Variants in TMEM214 observed in about 807,000 individuals in gnomAD.
The protein encoded by TMEM214 is transmembrane protein 214.
A neutral mutation model predicts 89.8 loss-of-function variants in TMEM214; 71 were observed. That is an observed-to-expected ratio of 0.79 (90% CI 0.65 to 0.96). The LOEUF is 0.96. TMEM214 is among the 40% of genes least tolerant of loss of function. The probability of loss-of-function intolerance (pLI) is 0.00; values close to 1 mark genes in which losing one functional copy is unlikely to be tolerated. For missense variants in TMEM214, 754 were observed against 843.4 expected (o/e 0.89, Z 1.31); for synonymous variants, 332 against 349.5 (o/e 0.95, Z 0.56).
rs781068534 is a variant in TMEM214, at chr2:27,038,024, C to T, written c.1153-122C>T. 18 of 1,604,974 alleles carry T rather than the reference C, an allele frequency of 1.1e-5. No individual in the cohort carries two copies. In the Admixed American group the frequency reaches 2.0e-4, roughly 18 times the overall value. ...CTGGAGTCTTGACACTGTTTCTCCA[C>T]CCCTTAGGGTGGATGTGCGGCCTGG... is the stretch of plus-strand genomic sequence containing the variant. On this transcript the variant is annotated intron_variant, in intron 9 of 16. Transcript: ENST00000238788. The surrounding 1 kb of genome is among the most constrained non-coding windows in gnomAD (Gnocchi z 4.4).
At position 27,035,587 on chromosome 2, in the gene TMEM214, G is replaced by A. The variant is rs773958210; in HGVS notation, c.503-7G>A. On this transcript the variant is annotated splice_polypyrimidine_tract_variant and splice_region_variant and intron_variant, in intron 3 of 16. Transcript: ENST00000238788. The stretch of plus-strand genomic sequence containing the variant: ...CTAGCACTCACATTGAGGCCTATGG[G>A]CCTTAGATTATCCCTACAGCCTGGT... The A allele has an allele frequency of 1.9e-6, 3 of 1,614,004 alleles. No homozygotes were observed. Among genetic ancestry groups the A allele is most frequent in the African/African-American group, 1.3e-5 (1 of 74,910 alleles).
chr2:27,035,937 T>C (rs1667541469), intron 4 of TMEM214, 33 bp from the exon 5 acceptor site: 3 of 1,609,770 alleles, frequency 1.9e-6, no homozygotes, highest in African/African-American at 1.3e-5. Context: ...TGCCAAATAA[T>C]GTGAGTAGGT....
chr2:27,040,111 C>T lies in TMEM214; in HGVS notation c.1704C>T (p.His568=). ...CCAGCTTGCAGCTGGCCTGGGCTCA[C>T]ACCAATGCCACAGTCAGCTTCCTTT... ...VRPSLQLAWA[H]TNATVSFLSA... Residue 568 remains histidine, a synonymous_variant, in exon 15 of 17, where the codon CAC becomes CAT. Transcript: ENST00000238788. 2 of 1,609,366 alleles carry T rather than the reference C, an allele frequency of 1.2e-6. No individual in the cohort carries two copies. The highest frequency in any genetic ancestry group is 1.7e-6 in the Non-Finnish European group (2 of 1,180,004).
chr2:27,038,038 T>C lies in TMEM214; in HGVS notation c.1153-108T>C, dbSNP rs1667645985. ...CTGTTTCTCCACCCCTTAGGGTGGATGTGCGGCCTGGATGGCCTTGCTTAC... is the reference window on the plus strand; with the variant it reads ...CTGTTTCTCCACCCCTTAGGGTGGACGTGCGGCCTGGATGGCCTTGCTTAC... On this transcript the variant is annotated intron_variant, in intron 9 of 16. Coordinates refer to ENST00000238788, the MANE Select transcript of TMEM214 (RefSeq NM_017727.5). The surrounding 1 kb of genome is among the most constrained non-coding windows in gnomAD (Gnocchi z 4.4). The C allele has an allele frequency of 3.7e-6, 6 of 1,610,310 alleles. No individual in the cohort carries two copies. The East Asian group carries it at 1.3e-4, about 36-fold the overall frequency.
At chr2:27,040,312 A>T (rs201851151) in intron 15 of TMEM214, 33 bp from the exon 16 acceptor site, 1 of 1,613,228 alleles carries the variant, frequency 6.2e-7, no homozygotes, top group African/African-American at 1.3e-5. Context: ...AGTTCCCTGG[A>T]TACTCTGACC....
At position 27,034,999 on chromosome 2, in the gene TMEM214, A is replaced by G. The variant is rs1667486574; in HGVS notation, c.352-136A>G. On this transcript the variant is annotated intron_variant, in intron 2 of 16. Coordinates refer to ENST00000238788, the MANE Select transcript of TMEM214 (RefSeq NM_017727.5). ...AGGTACAGCAGAATTGCAGCATTCCATGTTCTTATGCTTAAAAATGGAATC... is the reference window on the plus strand; with the variant it reads ...AGGTACAGCAGAATTGCAGCATTCCGTGTTCTTATGCTTAAAAATGGAATC... The G allele has an allele frequency of 3.2e-6, 3 of 944,508 alleles. No homozygotes were observed. In the South Asian group the frequency reaches 4.9e-5, roughly 15 times the overall value. 58.5% of individuals were successfully genotyped at this position (944,508 alleles called of 1,614,324 possible). A position where few individuals can be genotyped will look rare whatever the true frequency, so the allele number is the denominator to read the frequency against.
Position 27,035,618 on chromosome 2 carries a change from G to A in TMEM214, c.527G>A (p.Arg176Gln), listed in dbSNP as rs375315795. The A allele has an allele frequency of 1.1e-5, 17 of 1,614,052 alleles. No homozygotes were observed. The highest frequency in any genetic ancestry group is 2.7e-5 in the African/African-American group (2 of 74,912). ...GATTATCCCTACAGCCTGGTGAGCC[G>A]GGAGCTACGTGGGATCATCCGAGGG... The part of the protein sequence containing the change: ...THDYPYSLVS[R>Q]ELRGIIRGLL... The change falls in exon 4 of 17, where the codon CGG (arginine) becomes CAG (glutamine). Residue 176 changes from arginine to glutamine, a missense_variant. Coordinates refer to ENST00000238788, the MANE Select transcript of TMEM214 (RefSeq NM_017727.5).
Position 27,040,923 on chromosome 2 carries a change from CT to C in TMEM214, c.*91del. 2 of 1,537,442 alleles carry C rather than the reference CT, an allele frequency of 1.3e-6. No homozygotes were observed. Among genetic ancestry groups the C allele is most frequent in the Non-Finnish European group, 8.8e-7 (1 of 1,131,006 alleles). ...GAAGGTGGCAGTTCTTCATGGGAGT[CT>C]TTTTAACTTGGTGCCTGAGTTCTCT... On this transcript the variant is annotated 3_prime_UTR_variant, in exon 17 of 17. Coordinates refer to ENST00000238788, the MANE Select transcript of TMEM214 (RefSeq NM_017727.5).
At position 27,041,677 on chromosome 2, in the gene TMEM214, A is replaced by T. The variant is rs1667842064; in HGVS notation, c.*840A>T. 6.5e-6 allele frequency: 1 copy of T among 153,738 alleles called. No individual in the cohort carries two copies. Among genetic ancestry groups the T allele is most frequent in the African/African-American group, 2.4e-5 (1 of 41,452 alleles). The allele number at this position is 153,738 out of a possible 1,614,324, so 9.5% of individuals were successfully genotyped here. ...TATGCCCTACCAGGTGGAATAAAGG[A>T]CACAGATTTGATTTCTAGCATTCTT... On this transcript the variant is annotated 3_prime_UTR_variant, in exon 17 of 17. Coordinates refer to ENST00000238788, the MANE Select transcript of TMEM214 (RefSeq NM_017727.5).
In TMEM214 at chr2:27,038,764, G is replaced by A. The variant is rs1667683145; in HGVS notation, c.1356G>A (p.Arg452=). 8.1e-6 allele frequency: 13 copies of A among 1,614,200 alleles called. No individual in the cohort carries two copies. Among genetic ancestry groups the A allele is most frequent in the Non-Finnish European group, 1.1e-5 (13 of 1,180,012 alleles). The change falls in exon 12 of 17, where the codon AGG becomes AGA. Residue 452 remains arginine (R), a synonymous_variant. Transcript: ENST00000238788. The surrounding 1 kb of genome is among the most constrained non-coding windows in gnomAD (Gnocchi z 4.4). ...SLKLTNQELL[R]KGSSNNQDVV... is the part of the protein sequence containing the mutation. ...AGCTTACCAACCAGGAGCTGCTGAG[G>A]AAGGGTAGCAGTAACAACCAGGATG...
Position 27,035,627 on chromosome 2 carries a change from G to T in TMEM214, c.536G>T (p.Arg179Leu). The T allele has an allele frequency of 6.2e-7, 1 of 1,614,238 alleles. No individual in the cohort carries two copies. The highest frequency in any genetic ancestry group is 8.5e-7 in the Non-Finnish European group (1 of 1,180,044). ...YPYSLVSRELRGIIRGLLAKA... is the reference protein window; with the variant it reads ...YPYSLVSRELLGIIRGLLAKA... ...TACAGCCTGGTGAGCCGGGAGCTAC[G>T]TGGGATCATCCGAGGGCTGCTGGCG... Residue 179 changes from arginine to leucine, a missense_variant, in exon 4 of 17, where the codon CGT becomes CTT. Transcript: ENST00000238788.
rs34475690 is a variant in TMEM214 at position 27,037,138 on chromosome 2, C to G, written c.970C>G (p.Leu324Val). Residue 324 changes from leucine to valine, a missense_variant, in exon 8 of 17, where the codon CTG becomes GTG. Physicochemically the swap from Leu to Val is conservative, Grantham distance 32 (BLOSUM62 1). Transcript: ENST00000238788. ...TGGCCCCAAGGACTTCTTCCCACTT[C>G]TGGACTTTGCCTATATGCCGAACAA... Reference protein sequence around the residue: ...MIGPKDFFPLLDFAYMPNNSL... With the variant: ...MIGPKDFFPLVDFAYMPNNSL... 2 of 1,614,078 alleles carry G rather than the reference C, an allele frequency of 1.2e-6. No individual in the cohort carries two copies. The highest frequency in any genetic ancestry group is 2.2e-5 in the South Asian group (2 of 91,080).
rs756912014 is a variant in TMEM214, at chr2:27,038,792, G to A, written c.1384G>A (p.Val462Ile). The A allele has an allele frequency of 2.6e-5, 42 of 1,613,928 alleles. No individual in the cohort carries two copies. Among genetic ancestry groups the A allele is most frequent in the Non-Finnish European group, 3.5e-5 (41 of 1,179,964 alleles). The change falls in exon 12 of 17, where the codon GTC becomes ATC. Residue 462 changes from valine (V) to isoleucine (I), a missense_variant. Transcript: ENST00000238788. This position sits in a 1 kb window ranked among gnomAD's most constrained non-coding sequence, Gnocchi z 4.4. The part of the protein sequence containing the change: ...RKGSSNNQDV[V>I]TCDMACKGLL... ...GGGTAGCAGTAACAACCAGGATGTCGTCACCTGTGACATGGCCTGCAAGGT... is the reference window on the plus strand; with the variant it reads ...GGGTAGCAGTAACAACCAGGATGTCATCACCTGTGACATGGCCTGCAAGGT...
chr2:27,035,936 ATGTGAGTAGG>A (rs771657979), intron 4 of TMEM214, 24 bp from the exon 5 acceptor site: 2 of 1,610,406 alleles, frequency 1.2e-6, no homozygotes, highest in African/African-American at 2.7e-5. Context: ...ATGCCAAATA[ATGTGAGTAGG>A]TGTGAGAATG....
chr2:27,033,274 A>G (rs1289733356), intron 1 of TMEM214, 108 bp downstream of exon 1: 3 of 1,112,282 alleles, frequency 2.7e-6, no homozygotes, highest in East Asian at 6.4e-5. Context: ...CCCGAGCGCC[A>G]CGCTTGCGTT....
Position 27,040,727 on chromosome 2 carries a change from G to A in TMEM214, c.1960G>A (p.Asp654Asn). The A allele has an allele frequency of 6.2e-7, 1 of 1,614,050 alleles. No homozygotes were observed. The highest frequency in any genetic ancestry group is 8.5e-7 in the Non-Finnish European group (1 of 1,180,020). The change falls in exon 17 of 17, where the codon GAC (aspartate) becomes AAC (asparagine). Residue 654 changes from aspartate to asparagine, a missense_variant. Asp to Asn is a conservative substitution (Grantham distance 23). Coordinates refer to ENST00000238788, the MANE Select transcript of TMEM214 (RefSeq NM_017727.5). Reference sequence around the variant, plus strand: ...TCCTTCCAGAGGTGAGGTGACCTGGGACTGCATGAAGACACAGCTCAGTGA... The same window carrying A: ...TCCTTCCAGAGGTGAGGTGACCTGGAACTGCATGAAGACACAGCTCAGTGA... ...HEACRGEVTW[D>N]CMKTQLSEAV...
chr2:27,040,688 A>G (rs760191420), intron 16 of TMEM214, 23 bp from the exon 17 acceptor site: 30 of 1,612,314 alleles, frequency 1.9e-5, no homozygotes, highest in Middle Eastern at 1.7e-4. Flanking sequence ...TGCATACTCA[A>G]AAATGTTCCA....
chr2:27,039,756 G>A lies in TMEM214; in HGVS notation c.1541G>A (p.Arg514Gln), dbSNP rs368410962. The A allele has an allele frequency of 7.1e-5, 114 of 1,614,028 alleles. No individual in the cohort carries two copies. Among genetic ancestry groups the A allele is most frequent in the Non-Finnish European group, 9.0e-5 (106 of 1,180,026 alleles). ...CTTTACTTAGCCTCCCTTACTGGCC[G>A]GTTGCTTCGATCATCTGGCTTCTTA... ...HSSFQASLTG[R>Q]LLRSSGFLPA... The change falls in exon 14 of 17, where the codon CGG (arginine) becomes CAG (glutamine). Residue 514 changes from arginine to glutamine, a missense_variant. Arg to Gln is a conservative substitution (Grantham distance 43). Coordinates refer to ENST00000238788, the MANE Select transcript of TMEM214 (RefSeq NM_017727.5).
At position 27,037,551 on chromosome 2, in the gene TMEM214, C is replaced by T. The variant is rs374452675; in HGVS notation, c.1011-10C>T. On this transcript the variant is annotated splice_polypyrimidine_tract_variant and intron_variant, in intron 8 of 16. Coordinates refer to ENST00000238788, the MANE Select transcript of TMEM214 (RefSeq NM_017727.5). ...AGCTTATGCCTGTCTTTCCTCCCCA[C>T]CCCACCCAGCCTGCAGGAGCAGCTG... The T allele has an allele frequency of 1.2e-5, 19 of 1,614,014 alleles. No individual in the cohort carries two copies. Among genetic ancestry groups the T allele is most frequent in the African/African-American group, 5.3e-5 (4 of 74,894 alleles).
Sources: allele counts gnomAD v4.1 joint callset, GRCh38; gene constraint gnomAD v4.1.1; non-coding constraint Gnocchi (gnomAD v3.1); transcripts MANE v1.5; gene names NCBI Gene and HGNC (gene_info 2026-07-23, HGNC 2026-07-21).